MYO5B: variants seen among roughly 807,000 people sequenced by gnomAD.
The protein encoded by MYO5B is myosin VB, also known as unconventional myosin-Vb.
Under a neutral mutation model 229.3 loss-of-function variants are expected in MYO5B, and 143 were observed. The observed-to-expected ratio is 0.62, with a 90% CI of 0.54 to 0.72. The LOEUF is 0.72. Ranked by LOEUF, MYO5B falls within the 30% of genes least tolerant of loss-of-function variation. The probability of loss-of-function intolerance (pLI) is 0.00; values close to 1 mark genes in which losing one functional copy is unlikely to be tolerated. For synonymous variants in MYO5B, 918 were observed against 885.2 expected (o/e 1.04, Z -0.66); for missense variants, 2,321 against 2,331.0 (o/e 1.00, Z 0.09).
At chr18:49,860,506 T>TGCAGCTCCTCTCAGA (rs756453107) in intron 29 of MYO5B, among the ~76,000 whole-genome samples, 1 of 152,190 alleles carries the variant, frequency 6.6e-6, no homozygotes, top group African/African-American at 2.4e-5. Context: ...CCCGCATTCC[T>TGCAGCTCCTCTCAGA]GCAGCTCCTC....
At chr18:49,859,175 C>T (rs1007547811) in intron 29 of MYO5B, among the ~76,000 whole-genome samples, 2 of 152,206 alleles carry the variant, frequency 1.3e-5, no homozygotes, top group Non-Finnish European at 2.9e-5. Context: ...GTGGCCCGGG[C>T]TAATCACCTC....
At chr18:50,012,692 G>A (rs2026175104) in intron 4 of MYO5B, among the ~76,000 whole-genome samples, 1 of 152,236 alleles carries the variant, frequency 6.6e-6, no homozygotes, top group Non-Finnish European at 1.5e-5. Context: ...CCCTTCCAGG[G>A]AACTATTGCT....
rs1337702122 is a variant in MYO5B, at chr18:50,055,345, C to A, written c.61G>T (p.Val21Leu). The stretch of plus-strand genomic sequence containing the variant: ...TTGGTTAACTCAGCTGAGCGCCATA[C>A]CTCATCAGGGTCAGGGATCCAGACC... ...TRVWIPDPDEVWRSAELTKDY... is the reference protein window; with the variant it reads ...TRVWIPDPDELWRSAELTKDY... Residue 21 changes from valine (V) to leucine (L), a missense_variant, in exon 2 of 40, where the codon GTA (valine) becomes TTA (leucine). By Grantham distance (32) the Val-to-Leu change is conservative. Around this residue, in one of 2 missense-constraint regions of MYO5B, gnomAD observed 2,113 missense variants for 2,044.7 expected, o/e 1.03. Transcript: ENST00000285039. 2 of 1,612,078 alleles carry A rather than the reference C, an allele frequency of 1.2e-6. No homozygotes were observed. The highest frequency in any genetic ancestry group is 1.7e-5 in the Admixed American group (1 of 59,762).
chr18:50,002,430 G>A (rs935996539), intron 4 of MYO5B, among the ~76,000 whole-genome samples: 1 of 152,122 alleles, frequency 6.6e-6, no homozygotes, highest in Non-Finnish European at 1.5e-5. Context: ...GCAACGGAAA[G>A]AACAGCTCAG....
chr18:50,117,607 C>T (rs1395706065), intron 1 of MYO5B, among the ~76,000 whole-genome samples: 1 of 151,910 alleles, frequency 6.6e-6, no homozygotes, highest in Non-Finnish European at 1.5e-5. Flanking sequence ...TCCTTAAATG[C>T]TCTAAAAGCC....
intron 1 of MYO5B, among the ~76,000 whole-genome samples, chr18:50,165,751 G>A (rs1387634282): frequency 2.0e-5 from 3 of 152,028 alleles, no homozygotes; most frequent in Non-Finnish European, 4.4e-5. Flanking sequence ...ACTCCAGCCT[G>A]GGTGCGACAG....
At chr18:49,895,296 A>C in intron 21 of MYO5B, 122 bp from the exon 22 acceptor site, 81 of 788,680 alleles carry the variant, frequency 1.0e-4, no homozygotes, top group Non-Finnish European at 1.6e-4. Context: ...ATTAAGTCTC[A>C]CAATCATTGC....
In MYO5B at chr18:50,053,241, A is replaced by T. The variant is rs140404954; in HGVS notation, c.138+2027T>A. ...AGCCCATTATTTCTCGAGAACTGCT[A>T]ATCTCTAGAGCCAGGCTTCCCTTCC... On this transcript the variant is annotated intron_variant, in intron 2 of 39. Transcript: ENST00000285039. 2.7e-3 allele frequency among the ~76,000 whole-genome samples: 410 copies of T among 152,236 alleles called. 1 individual carries two copies. Among genetic ancestry groups the T allele is most frequent in the South Asian group, 5.8e-3 (28 of 4,820 alleles).
chr18:50,093,916 A>T (rs575473677), intron 1 of MYO5B, among the ~76,000 whole-genome samples: 2 of 152,200 alleles, frequency 1.3e-5, no homozygotes, highest in African/African-American at 4.8e-5. Flanking sequence ...CCTTTCCCGG[A>T]AAACTCATGA....
At chr18:50,005,691 A>T (rs1040971917) in intron 4 of MYO5B, among the ~76,000 whole-genome samples, 1 of 152,190 alleles carries the variant, frequency 6.6e-6, no homozygotes, top group African/African-American at 2.4e-5. Flanking sequence ...TGCTAGAATT[A>T]CAGGCATGAG....
chr18:49,869,905 G>A (rs1339341300), intron 27 of MYO5B, among the ~76,000 whole-genome samples: 1 of 152,102 alleles, frequency 6.6e-6, no homozygotes, highest in Non-Finnish European at 1.5e-5. Flanking sequence ...GAGCTACTGG[G>A]CCCCTCTCAT....
At chr18:50,030,103 G>A (rs550958120) in intron 4 of MYO5B, among the ~76,000 whole-genome samples, 6 of 152,330 alleles carry the variant, frequency 3.9e-5, no homozygotes, top group African/African-American at 1.4e-4. Context: ...TATGAAAGAT[G>A]TATTTCCGAA....
intron 1 of MYO5B, among the ~76,000 whole-genome samples, chr18:50,128,916 C>T (rs1157996172): frequency 2.0e-5 from 3 of 152,318 alleles, no homozygotes; most frequent in Admixed American, 6.5e-5. Context: ...CAGCGGCTGC[C>T]GGCTGGAAAA....
At chr18:49,967,978 G>A (rs762139304) in intron 10 of MYO5B, among the ~76,000 whole-genome samples, 6 of 152,220 alleles carry the variant, frequency 3.9e-5, no homozygotes, top group East Asian at 1.9e-4. Context: ...TTCCCAGCTC[G>A]TCTTCAGGCC....
intron 10 of MYO5B, among the ~76,000 whole-genome samples, chr18:49,967,624 C>A (rs76449423): frequency 7.1e-4 from 108 of 152,238 alleles, no homozygotes; most frequent in South Asian, 3.5e-3. Flanking sequence ...CCTGGAGAAG[C>A]CTTTAAAAGC....
intron 4 of MYO5B, among the ~76,000 whole-genome samples, chr18:50,007,984 C>T (rs937005034): frequency 6.6e-6 from 1 of 152,162 alleles, no homozygotes; most frequent in Non-Finnish European, 1.5e-5. Context: ...CAAACTCAGG[C>T]TTCCATCTCC....
chr18:49,840,205 G>T (rs115622583), intron 35 of MYO5B: 67 of 152,356 alleles, frequency 4.4e-4, no homozygotes, highest in African/African-American at 1.4e-3. Flanking sequence ...TTTAGAATGT[G>T]TATAACATTG....
chr18:49,949,287 TGATA>T (rs1404730487), intron 14 of MYO5B, among the ~76,000 whole-genome samples: 1 of 151,950 alleles, frequency 6.6e-6, no homozygotes, highest in Non-Finnish European at 1.5e-5. Flanking sequence ...TTCTCCTGGT[TGATA>T]AATTATTCCT....
intron 19 of MYO5B, 138 bp from the exon 20 acceptor site, chr18:49,904,966 T>G: frequency 1.0e-6 from 1 of 993,952 alleles, no homozygotes. Context: ...ACCAACTCTC[T>G]TCACCCCTAA....
Sources: allele counts gnomAD v4.1 joint callset (sites outside exome capture counted in the v4.1 genomes callset), GRCh38; gene constraint gnomAD v4.1.1; regional missense constraint gnomAD v4.1.1; transcripts MANE v1.5; gene names NCBI Gene and HGNC (gene_info 2026-07-23, HGNC 2026-07-21).